RANBP2: variants seen among roughly 807,000 people sequenced by gnomAD.
RANBP2 encodes the protein E3 SUMO-protein ligase RanBP2.
Under a neutral mutation model 303.6 loss-of-function variants are expected in RANBP2, and 57 were observed. The observed-to-expected ratio is 0.19, with a 90% CI of 0.15 to 0.23. The LOEUF (loss-of-function observed/expected upper bound fraction) is 0.23, where lower values mean the gene tolerates loss of function less well. Ranked by LOEUF, RANBP2 falls within the 10% of genes least tolerant of loss-of-function variation. The pLI is 1.00. For missense variants in RANBP2, 3,138 were observed against 3,780.8 expected, an observed-to-expected ratio of 0.83 and a Z score of 4.46; for synonymous variants, 1,167 against 1,301.5, an observed-to-expected ratio of 0.90 and a Z score of 2.23.
chr2:108,770,237 C>A (rs950197390), intron 20 of RANBP2, among the ~76,000 whole-genome samples: 6 of 152,054 alleles, frequency 3.9e-5, no homozygotes, highest in Non-Finnish European at 8.8e-5. Flanking sequence ...AAACTGAGGC[C>A]AAGAGAGGCT....
chr2:109,496,084 C>T, the RANBP2 span, among the ~76,000 whole-genome samples: 1 of 152,138 alleles, frequency 6.6e-6, no homozygotes, highest in East Asian at 1.9e-4. Flanking sequence ...GCTTTTATTC[C>T]CTTATTTGTC....
At chr2:108,924,741 C>A in the RANBP2 span, among the ~76,000 whole-genome samples, 2 of 152,178 alleles carry the variant, frequency 1.3e-5, no homozygotes, top group Non-Finnish European at 2.9e-5. Flanking sequence ...CATTAATTAA[C>A]CAATCTCAAA....
the RANBP2 span, among the ~76,000 whole-genome samples, chr2:109,268,096 C>T: frequency 2.0e-5 from 3 of 151,586 alleles, no homozygotes; most frequent in African/African-American, 7.3e-5. Flanking sequence ...GAGAAGGGGC[C>T]GATGGGGAGG....
At chr2:109,615,730 G>A in the RANBP2 span, 1 of 1,613,928 alleles carries the variant, frequency 6.2e-7, no homozygotes, top group Non-Finnish European at 8.5e-7. Context: ...GGGCGCTGGA[G>A]GCTTTCAAAG....
At chr2:109,567,537 A>G in the RANBP2 span, among the ~76,000 whole-genome samples, 3 of 152,222 alleles carry the variant, frequency 2.0e-5, no homozygotes, top group Non-Finnish European at 4.4e-5. Flanking sequence ...AGGCAATTAC[A>G]TATGGCTGCA....
At chr2:109,282,315 G>A in the RANBP2 span, among the ~76,000 whole-genome samples, 1 of 152,116 alleles carries the variant, frequency 6.6e-6, no homozygotes, top group Admixed American at 6.5e-5. Flanking sequence ...CATAATTGGT[G>A]CAAGTTGTCT....
At chr2:108,805,631 G>C in the RANBP2 span, among the ~76,000 whole-genome samples, 2 of 152,084 alleles carry the variant, frequency 1.3e-5, no homozygotes, top group Non-Finnish European at 2.9e-5. Flanking sequence ...GGAGGCTGAG[G>C]CAGGAGAATG....
chr2:108,766,112 G>T lies in RANBP2; in HGVS notation c.5573G>T (p.Gly1858Val). ...KASKFGNTEQ[G>V]FKFGHVDQEN... ...TCTAAGTTTGGCAATACAGAGCAAG[G>T]ATTCAAATTTGGGCATGTGGATCAA... Residue 1858 changes from glycine (G) to valine (V), a missense_variant, in exon 20 of 29, where the codon GGA (glycine) becomes GTA (valine). Gly to Val is a moderately radical substitution (Grantham distance 109). Transcript: ENST00000283195. 6.2e-7 allele frequency: 1 copy of T among 1,614,044 alleles called. No individual in the cohort carries two copies. Among genetic ancestry groups the T allele is most frequent in the South Asian group, 1.1e-5 (1 of 91,088 alleles).
the RANBP2 span, among the ~76,000 whole-genome samples, chr2:108,970,001 C>T: frequency 6.6e-6 from 1 of 152,188 alleles, no homozygotes; most frequent in African/African-American, 2.4e-5. Flanking sequence ...GTCTAGCCAG[C>T]CCAGCACAGG....
the RANBP2 span, among the ~76,000 whole-genome samples, chr2:109,033,194 A>G: frequency 3.9e-5 from 6 of 152,164 alleles, no homozygotes; most frequent in African/African-American, 1.4e-4. Context: ...CAGGCTGTTG[A>G]TGGGCCCTGT....
chr2:109,409,604 C>G, the RANBP2 span, among the ~76,000 whole-genome samples: 1 of 152,112 alleles, frequency 6.6e-6, no homozygotes, highest in Non-Finnish European at 1.5e-5. Flanking sequence ...CCCTCACCAG[C>G]TGAGAGTGCT....
At chr2:109,668,569 C>G in the RANBP2 span, among the ~76,000 whole-genome samples, 1 of 152,152 alleles carries the variant, frequency 6.6e-6, no homozygotes, top group African/African-American at 2.4e-5. Context: ...CTAGGCTGTG[C>G]CTTCAGTGTG....
the RANBP2 span, among the ~76,000 whole-genome samples, chr2:109,035,874 G>A: frequency 6.6e-6 from 1 of 152,116 alleles, no homozygotes; most frequent in Non-Finnish European, 1.5e-5. Context: ...ACAAACAAAG[G>A]AGAAAATATT....
the RANBP2 span, among the ~76,000 whole-genome samples, chr2:109,556,658 C>CT: frequency 6.6e-5 from 10 of 150,908 alleles, no homozygotes; most frequent in African/African-American, 9.7e-5. Context: ...CTGTTGTGAT[C>CT]TTTTTTTTTA....
chr2:108,979,047 G>T, the RANBP2 span, among the ~76,000 whole-genome samples: 2 of 152,202 alleles, frequency 1.3e-5, no homozygotes, highest in Non-Finnish European at 2.9e-5. Flanking sequence ...AGTAAGCAGA[G>T]AGGTGCCAGC....
chr2:109,276,619 C>T, the RANBP2 span, among the ~76,000 whole-genome samples: 5 of 152,166 alleles, frequency 3.3e-5, no homozygotes, highest in Non-Finnish European at 5.9e-5. Flanking sequence ...ATTGTTTTGC[C>T]ATGGTGCTTT....
the RANBP2 span, among the ~76,000 whole-genome samples, chr2:109,415,136 G>C: frequency 1.1e-5 from 1 of 93,928 alleles, no homozygotes; most frequent in Non-Finnish European, 2.0e-5. Flanking sequence ...TCTAGAAGCT[G>C]CAAAGGCAGG....
chr2:109,356,738 C>T, the RANBP2 span, among the ~76,000 whole-genome samples: 3 of 152,244 alleles, frequency 2.0e-5, no homozygotes, highest in Non-Finnish European at 4.4e-5. Flanking sequence ...AGCCCTGCCT[C>T]ACAGGGAGCC....
At chr2:109,390,438 G>T in the RANBP2 span, among the ~76,000 whole-genome samples, 2 of 152,090 alleles carry the variant, frequency 1.3e-5, no homozygotes, top group Non-Finnish European at 2.9e-5. Flanking sequence ...GAAATTTTCT[G>T]TTTTCTTATT....
Sources: gnomAD v4.1 joint callset for allele counts (sites outside exome capture counted in the v4.1 genomes callset) on GRCh38, gnomAD v4.1.1 for gene constraint, MANE v1.5 for transcripts, NCBI Gene and HGNC (gene_info 2026-07-23, HGNC 2026-07-21) for gene names.